The following DIO1 variants were observed in gnomAD, a reference collection of about 807,000 sequenced individuals.
The protein encoded by DIO1 is iodothyronine deiodinase 1.
DIO1 carries 17 observed loss-of-function variants against 25.9 expected under a neutral mutation model. That is an observed-to-expected ratio of 0.66 (90% CI 0.45 to 0.98). The LOEUF (loss-of-function observed/expected upper bound fraction) is 0.98. DIO1 is among the 50% of genes least tolerant of loss of function. DIO1 has a pLI of 0.00. For missense variants in DIO1, 270 were observed against 310.4 expected, an observed-to-expected ratio of 0.87 and a Z score of 0.98; for synonymous variants, 115 against 114.0, an observed-to-expected ratio of 1.01 and a Z score of -0.05.
intron 1 of DIO1, among the ~76,000 whole-genome samples, chr1:53,900,426 A>C (rs1339130050): frequency 6.6e-6 from 1 of 152,120 alleles, no homozygotes; most frequent in African/African-American, 2.4e-5. Context: ...CAACATGGAG[A>C]AACCCTGTCT....
At chr1:53,895,566 C>T (rs2268180) in intron 1 of DIO1, among the ~76,000 whole-genome samples, 12,963 of 152,244 alleles carry the variant, frequency 0.085, 935 homozygotes, top group African/African-American at 0.19. Context: ...GAACTTCCTT[C>T]TCCCCGACTT....
At chr1:53,898,022 T>C (rs993503767) in intron 1 of DIO1, among the ~76,000 whole-genome samples, 1 of 152,142 alleles carries the variant, frequency 6.6e-6, no homozygotes, top group Non-Finnish European at 1.5e-5. Flanking sequence ...GCCTCTGCCC[T>C]GGAAGGCCTC....
chr1:53,904,535 C>T, intron 1 of DIO1, 131 bp from the exon 2 acceptor site: 1 of 1,133,730 alleles, frequency 8.8e-7, no homozygotes, highest in Non-Finnish European at 1.3e-6. Context: ...GACCCCAGTG[C>T]CTAGGACCCA....
chr1:53,904,714 T>C lies in DIO1; in HGVS notation c.386T>C (p.Phe129Ser). ...TTTGGAAGTTGTACCTGACCTTCAT[T>C]TATGTTCAAATTTGACCAGTTCAAG... ...LNFGSCTUPSFMFKFDQFKRL... is the reference protein window; with the variant it reads ...LNFGSCTUPSSMFKFDQFKRL... Residue 129 changes from phenylalanine (F) to serine (S), a missense_variant, in exon 2 of 4, where the codon TTT becomes TCT. Transcript: ENST00000361921. 6.2e-7 allele frequency: 1 copy of C among 1,613,904 alleles called. No homozygotes were observed. Among genetic ancestry groups the C allele is most frequent in the Non-Finnish European group, 8.5e-7 (1 of 1,179,898 alleles).
chr1:53,899,074 C>CCA (rs1329339721), intron 1 of DIO1, among the ~76,000 whole-genome samples: 3 of 152,134 alleles, frequency 2.0e-5, no homozygotes, highest in Non-Finnish European at 4.4e-5. Flanking sequence ...CTCTGTGCGT[C>CCA]CACACACGCA....
rs1039293373 is a variant in DIO1, at chr1:53,910,975, ATTTG to A, written c.*980_*983del. 2.6e-5 allele frequency: 4 copies of A among 152,788 alleles called. No individual in the cohort carries two copies. The highest frequency in any genetic ancestry group is 7.2e-5 in the African/African-American group (3 of 41,588). 9.5% of individuals were successfully genotyped at this position (152,788 alleles called of 1,614,324 possible). ...CTATTTTAACTCTGTGTCTTTACATATTTGTTTATGATGGCCACAGCCTAAAGTA... is the reference window on the plus strand; with the variant it reads ...CTATTTTAACTCTGTGTCTTTACATATTTATGATGGCCACAGCCTAAAGTA... On this transcript the variant is annotated 3_prime_UTR_variant, in exon 4 of 4. Coordinates refer to ENST00000361921, the MANE Select transcript of DIO1 (RefSeq NM_000792.7).
At position 53,906,359 on chromosome 1, in the gene DIO1, G is replaced by T. The variant is rs74805139; in HGVS notation, c.681+65G>T. On this transcript the variant is annotated intron_variant, in intron 3 of 3. Transcript: ENST00000361921. ...GGCCCAGGGAGGGCAAGGGCAAAGAGAAGGCTTTGCATCAAGCAGAACTGG... is the reference window on the plus strand; with the variant it reads ...GGCCCAGGGAGGGCAAGGGCAAAGATAAGGCTTTGCATCAAGCAGAACTGG... 1,490 of 1,415,538 alleles carry T rather than the reference G, an allele frequency of 1.1e-3. 2 individuals are homozygous for T. Among genetic ancestry groups the T allele is most frequent in the South Asian group, 2.9e-3 (237 of 81,656 alleles). The allele number at this position is 1,415,538 out of a possible 1,614,324, so 87.7% of individuals were successfully genotyped here.
intron 1 of DIO1, among the ~76,000 whole-genome samples, chr1:53,900,339 C>G (rs984959973): frequency 1.6e-4 from 24 of 152,200 alleles, no homozygotes; most frequent in African/African-American, 5.5e-4. Context: ...CGCAGTGGCT[C>G]ACGCCTGTAA....
chr1:53,904,619 A>T (rs1179921808), intron 1 of DIO1, 47 bp from the exon 2 acceptor site: 1 of 1,590,820 alleles, frequency 6.3e-7, no homozygotes, highest in South Asian at 1.1e-5. Flanking sequence ...CTTGTAAAAG[A>T]AAGCTGTGTG....
intron 3 of DIO1, among the ~76,000 whole-genome samples, chr1:53,909,024 G>A (rs1485078631): frequency 1.3e-5 from 2 of 151,884 alleles, no homozygotes; most frequent in Non-Finnish European, 2.9e-5. Context: ...AACCTGGGAG[G>A]CGGAGGTTGC....
chr1:53,909,665 A>G (rs138011427), intron 3 of DIO1, among the ~76,000 whole-genome samples: 27 of 152,326 alleles, frequency 1.8e-4, no homozygotes, highest in African/African-American at 6.0e-4. Context: ...TTATTTGTAC[A>G]GAACCCTTCT....
chr1:53,905,773 T>C (rs1314127921), intron 2 of DIO1, among the ~76,000 whole-genome samples: 2 of 152,172 alleles, frequency 1.3e-5, no homozygotes, highest in Non-Finnish European at 2.9e-5. Flanking sequence ...GACTCTCAGT[T>C]CCACCTTCGA....
chr1:53,896,946 G>T (rs547604563), intron 1 of DIO1, among the ~76,000 whole-genome samples: 1 of 152,326 alleles, frequency 6.6e-6, no homozygotes, highest in East Asian at 1.9e-4. Context: ...GTGCACAAAT[G>T]ACCTCAGTTT....
chr1:53,910,315 G>C lies in DIO1; in HGVS notation c.*316G>C, dbSNP rs2100787290. 1 of 336,942 alleles carries C rather than the reference G, an allele frequency of 3.0e-6. No homozygotes were observed. The highest frequency in any genetic ancestry group is 5.7e-6 in the Non-Finnish European group (1 of 176,554). 20.9% of individuals were successfully genotyped at this position (336,942 alleles called of 1,614,324 possible). A position where few individuals can be genotyped will look rare whatever the true frequency, so the allele number is the denominator to read the frequency against. ...TTTGGAGACCACATTCCCTGCACAC[G>C]GTCTTTGAGAGAGCAGTTGCACTCT... On this transcript the variant is annotated 3_prime_UTR_variant, in exon 4 of 4. Coordinates refer to ENST00000361921, the MANE Select transcript of DIO1 (RefSeq NM_000792.7).
At position 53,905,463 on chromosome 1, in the gene DIO1, C is replaced by T. The variant is rs1478421040; in HGVS notation, c.482-632C>T. Reference sequence around the variant, plus strand: ...GTGCTGGAATTACAGTCGTGAGCCACTGCACCCAGCCTATATTTGTATTTT... The same window carrying T: ...GTGCTGGAATTACAGTCGTGAGCCATTGCACCCAGCCTATATTTGTATTTT... On this transcript the variant is annotated intron_variant, in intron 2 of 3. Transcript: ENST00000361921. 3.9e-5 allele frequency among the ~76,000 whole-genome samples: 6 copies of T among 152,162 alleles called. No homozygotes were observed. In the East Asian group the frequency reaches 9.6e-4, roughly 24 times the overall value.
intron 1 of DIO1, among the ~76,000 whole-genome samples, chr1:53,898,358 G>C (rs1651185140): frequency 1.3e-5 from 2 of 152,190 alleles, no homozygotes; most frequent in Admixed American, 1.3e-4. Context: ...GGGGCCTTGT[G>C]TGTCGTAGCT....
At chr1:53,906,794 CT>C in intron 3 of DIO1, among the ~76,000 whole-genome samples, 1 of 152,144 alleles carries the variant, frequency 6.6e-6, no homozygotes, top group East Asian at 1.9e-4. Context: ...GTAGCTGGGA[CT>C]ACAGGCGCAC....
At chr1:53,902,828 T>C (rs1298106589) in intron 1 of DIO1, among the ~76,000 whole-genome samples, 1 of 151,426 alleles carries the variant, frequency 6.6e-6, no homozygotes, top group Non-Finnish European at 1.5e-5. Context: ...CTGCAGCAGC[T>C]GTCTTGAATT....
chr1:53,905,709 C>T (rs1309006331), intron 2 of DIO1, among the ~76,000 whole-genome samples: 1 of 152,194 alleles, frequency 6.6e-6, no homozygotes, highest in Non-Finnish European at 1.5e-5. Context: ...TAAACCCTTG[C>T]CTCTCCAAGT....
Sources: allele counts gnomAD v4.1 joint callset (sites outside exome capture counted in the v4.1 genomes callset), GRCh38; gene constraint gnomAD v4.1.1; transcripts MANE v1.5; gene names NCBI Gene and HGNC (gene_info 2026-07-23, HGNC 2026-07-21).